The following PIK3CB variants were observed in gnomAD, a reference collection of about 807,000 sequenced individuals.
PIK3CB encodes the protein phosphatidylinositol 4,5-bisphosphate 3-kinase catalytic subunit beta isoform.
A neutral mutation model predicts 136.8 loss-of-function variants in PIK3CB; 39 were observed. The observed-to-expected ratio is 0.29, with a 90% CI of 0.22 to 0.37. PIK3CB has a LOEUF of 0.37. Ranked by LOEUF, PIK3CB falls within the 10% of genes least tolerant of loss-of-function variation. The pLI is 1.00. For missense variants in PIK3CB, 868 were observed against 1,275.4 expected, an observed-to-expected ratio of 0.68 and a Z score of 4.87; for synonymous variants, 428 against 436.6, an observed-to-expected ratio of 0.98 and a Z score of 0.25.
intron 4 of PIK3CB, among the ~76,000 whole-genome samples, chr3:138,750,409 G>A (rs1456784767): frequency 6.6e-6 from 1 of 152,088 alleles, no homozygotes; most frequent in Non-Finnish European, 1.5e-5. Context: ...AGATCATCAG[G>A]CATTAGATTC....
intron 2 of PIK3CB, among the ~76,000 whole-genome samples, chr3:138,775,448 T>C (rs2045846961): frequency 6.6e-6 from 1 of 152,140 alleles, no homozygotes; most frequent in Non-Finnish European, 1.5e-5. Context: ...AGCGGAGGCA[T>C]GTCTGTTCTC....
chr3:138,769,916 A>C (rs1193434317), intron 2 of PIK3CB: 1 of 152,238 alleles, frequency 6.6e-6, no homozygotes, highest in African/African-American at 2.4e-5. Context: ...AGAGAGTTTA[A>C]GTAAATTATC....
chr3:138,736,789 A>C (rs1265949025), intron 6 of PIK3CB, among the ~76,000 whole-genome samples: 1 of 152,230 alleles, frequency 6.6e-6, no homozygotes, highest in East Asian at 1.9e-4. Context: ...GCTTTTGAGA[A>C]TGGTCAAACC....
chr3:138,827,978 A>G (rs1258368822), intron 1 of PIK3CB, among the ~76,000 whole-genome samples: 1 of 151,334 alleles, frequency 6.6e-6, no homozygotes, highest in Non-Finnish European at 1.5e-5. Context: ...ACAGAGCGAG[A>G]CTCCGTCTCA....
At chr3:138,825,166 G>T (rs970321227) in intron 1 of PIK3CB, 20 of 290,614 alleles carry the variant, frequency 6.9e-5, no homozygotes, top group Non-Finnish European at 3.3e-5. Flanking sequence ...ATCACCATTG[G>T]TATCTCCCTA....
rs573246711 is a variant in PIK3CB, at chr3:138,813,270, T to C, written c.-121-16703A>G. Among the ~76,000 whole-genome samples the C allele has an allele frequency of 1.4e-4, 22 of 152,212 alleles. No individual in the cohort carries two copies. In the South Asian group the frequency reaches 1.9e-3, roughly 13 times the overall value. On this transcript the variant is annotated intron_variant, in intron 1 of 23. Transcript: ENST00000674063. ...CCCAGCATTTCGTACTCATAGACTA[T>C]GGTTCACCCAGAGAGTTAAGACACA...
At chr3:138,743,831 G>A (rs991069974) in intron 4 of PIK3CB, among the ~76,000 whole-genome samples, 6 of 152,136 alleles carry the variant, frequency 3.9e-5, no homozygotes, top group Non-Finnish European at 8.8e-5. Context: ...AAAGTGCTGG[G>A]ATTACAAGTG....
intron 4 of PIK3CB, among the ~76,000 whole-genome samples, chr3:138,743,701 T>G (rs1014873363): frequency 5.3e-5 from 8 of 152,170 alleles, no homozygotes; most frequent in African/African-American, 1.9e-4. Context: ...TAGCTGAAAT[T>G]ACAGTCACAA....
At chr3:138,789,678 T>C (rs1216431825) in intron 2 of PIK3CB, among the ~76,000 whole-genome samples, 1 of 147,004 alleles carries the variant, frequency 6.8e-6, no homozygotes, top group African/African-American at 2.5e-5. Flanking sequence ...GGTGTGTACA[T>C]ACAATGGAAT....
chr3:138,791,392 C>T lies in PIK3CB; in HGVS notation c.-17+5071G>A, dbSNP rs535949291. On this transcript the variant is annotated intron_variant, in intron 2 of 23. Coordinates refer to ENST00000674063, the MANE Select transcript of PIK3CB (RefSeq NM_006219.3). ...TCAAGGGATCTGCCCGTCTCAGCCT[C>T]CCCAACTGTTGGGATTACAGGCGTG... 2.0e-5 allele frequency among the ~76,000 whole-genome samples: 3 copies of T among 152,268 alleles called. No homozygotes were observed. The East Asian group carries it at 5.8e-4, about 29-fold the overall frequency.
At chr3:138,739,009 A>T (rs2045178010) in intron 5 of PIK3CB, among the ~76,000 whole-genome samples, 2 of 152,160 alleles carry the variant, frequency 1.3e-5, no homozygotes, top group Admixed American at 1.3e-4. Context: ...TGCCTGCCAT[A>T]GACTGAATGT....
At chr3:138,763,590 C>T (rs2045690928) in intron 2 of PIK3CB, among the ~76,000 whole-genome samples, 1 of 152,038 alleles carries the variant, frequency 6.6e-6, no homozygotes, top group Middle Eastern at 3.2e-3. Flanking sequence ...CCAATTAATA[C>T]AATACTAATA....
chr3:138,833,924 G>A (rs949979744), intron 1 of PIK3CB, among the ~76,000 whole-genome samples: 2 of 152,174 alleles, frequency 1.3e-5, no homozygotes, highest in South Asian at 4.1e-4. Context: ...GAGACTGCAG[G>A]ATTCTAGTAA....
At chr3:138,783,352 G>T (rs886257549) in intron 2 of PIK3CB, among the ~76,000 whole-genome samples, 1 of 151,752 alleles carries the variant, frequency 6.6e-6, no homozygotes, top group African/African-American at 2.4e-5. Context: ...TGTAATCATA[G>T]TTCACTGCAT....
chr3:138,781,433 G>A (rs893178956), intron 2 of PIK3CB, among the ~76,000 whole-genome samples: 3 of 152,016 alleles, frequency 2.0e-5, no homozygotes, highest in Non-Finnish European at 2.9e-5. Context: ...GGACAACATA[G>A]TGAGACCCCC....
At position 138,721,763 on chromosome 3, in the gene PIK3CB, A is replaced by G. The variant is rs115033315; in HGVS notation, c.1051-7044T>C. Among the ~76,000 whole-genome samples the G allele has an allele frequency of 8.6e-3, 1,302 of 152,278 alleles. 26 individuals are homozygous for G. Among genetic ancestry groups the G allele is most frequent in the African/African-American group, 0.028 (1,182 of 41,556 alleles). ...TGACTTTTTCCAGATTATACTGTCA[A>G]TATTGTATTTTATGTCTACCTAGTG... On this transcript the variant is annotated intron_variant, in intron 8 of 23. Coordinates refer to ENST00000674063, the MANE Select transcript of PIK3CB (RefSeq NM_006219.3).
chr3:138,831,281 A>AAATTAAATT (rs1553745244), intron 1 of PIK3CB, among the ~76,000 whole-genome samples: 5,388 of 148,290 alleles, frequency 0.036, 343 homozygotes, highest in African/African-American at 0.13. Context: ...AAAATAAAAT[A>AAATTAAATT]AAATTAAATT....
intron 6 of PIK3CB, among the ~76,000 whole-genome samples, chr3:138,736,646 C>T (rs2045111771): frequency 6.6e-6 from 1 of 152,180 alleles, no homozygotes; most frequent in Non-Finnish European, 1.5e-5. Context: ...AGGGGTGCTG[C>T]ACTGCACATA....
chr3:138,727,391 A>G (rs2044862607), intron 8 of PIK3CB, among the ~76,000 whole-genome samples: 1 of 152,258 alleles, frequency 6.6e-6, no homozygotes, highest in Non-Finnish European at 1.5e-5. Context: ...CTAGCAAAAG[A>G]GTCAAAGAAT....
Sources: gnomAD v4.1 joint callset for allele counts (sites outside exome capture counted in the v4.1 genomes callset) on GRCh38, gnomAD v4.1.1 for gene constraint, MANE v1.5 for transcripts, NCBI Gene and HGNC (gene_info 2026-07-23, HGNC 2026-07-21) for gene names.